ZNF672: variants seen among roughly 807,000 people sequenced by gnomAD.
ZNF672 encodes the protein zinc finger protein 672, also known as hypothetical protein FLJ22301.
For synonymous variants in ZNF672, 358 were observed against 305.6 expected, an observed-to-expected ratio of 1.17 and a Z score of -1.79; for missense variants, 733 against 701.1, an observed-to-expected ratio of 1.05 and a Z score of -0.51.
chr1:248,845,346 A>C (rs905203219), intron 2 of ZNF672, among the ~76,000 whole-genome samples: 1 of 152,102 alleles, frequency 6.6e-6, no homozygotes. Flanking sequence ...GGGATTTAAA[A>C]TACTCTAGAG....
In ZNF672 at chr1:248,848,583, G is replaced by C; in HGVS notation, c.1309G>C (p.Val437Leu). The C allele has an allele frequency of 1.3e-6, 2 of 1,591,514 alleles. No individual in the cohort carries two copies. Among genetic ancestry groups the C allele is most frequent in the Non-Finnish European group, 1.7e-6 (2 of 1,165,732 alleles). The change falls in exon 4 of 4, where the codon GTC becomes CTC. Residue 437 changes from valine to leucine, a missense_variant. Physicochemically the swap from Val to Leu is conservative, Grantham distance 32 (BLOSUM62 1). Coordinates refer to ENST00000306562, the MANE Select transcript of ZNF672 (RefSeq NM_024836.3). ...CCAGTCCGCAGTGGGCACTGCCCTC[G>C]TCTTTGAGGGGCCGGCTGAACAGGA... ...AIQSAVGTAL[V>L]FEGPAEQEKP...
At chr1:248,844,784 A>G (rs1664730985) in intron 2 of ZNF672, 148 bp downstream of exon 2, 2 of 152,234 alleles carry the variant, frequency 1.3e-5, no homozygotes, top group South Asian at 4.1e-4. Context: ...CAGATACCCG[A>G]GGAGGAGGCA....
At chr1:248,842,220 T>A (rs1356283665) in intron 1 of ZNF672, among the ~76,000 whole-genome samples, 2 of 152,154 alleles carry the variant, frequency 1.3e-5, no homozygotes, top group African/African-American at 4.8e-5. Flanking sequence ...TAATAGATGC[T>A]CCTTCCAGCT....
At chr1:248,845,034 G>C (rs6684471) in intron 2 of ZNF672, among the ~76,000 whole-genome samples, 1 of 152,048 alleles carries the variant, frequency 6.6e-6, no homozygotes, top group South Asian at 2.1e-4. Flanking sequence ...AGGCCAAAGC[G>C]GGTGGATCAC....
intron 1 of ZNF672, among the ~76,000 whole-genome samples, chr1:248,840,341 C>T (rs574884384): frequency 1.6e-4 from 24 of 152,272 alleles, no homozygotes; most frequent in African/African-American, 5.1e-4. Flanking sequence ...ATCTGCCCAC[C>T]CCGGCCTCCC....
intron 1 of ZNF672, among the ~76,000 whole-genome samples, chr1:248,841,614 C>A (rs1318164096): frequency 2.0e-5 from 3 of 152,142 alleles, no homozygotes; most frequent in Non-Finnish European, 4.4e-5. Context: ...CTTTGTGAAA[C>A]CAAAACTTTC....
chr1:248,848,408 CG>C lies in ZNF672; in HGVS notation c.1135del (p.Ala379ProfsTer76). 1 of 1,605,336 alleles carries C rather than the reference CG, an allele frequency of 6.2e-7. No individual in the cohort carries two copies. Among genetic ancestry groups the C allele is most frequent in the Non-Finnish European group, 8.5e-7 (1 of 1,179,804 alleles). On this transcript the variant is annotated frameshift_variant, in exon 4 of 4. Transcript: ENST00000306562. LOFTEE classifies it low-confidence loss of function (END_TRUNC). ...CCGAGTGCAGCAAGGCCTTCAGCGTCGCCTCCAAGCTTGCACTGCACCGCAA... is the reference window on the plus strand; with the variant it reads ...CCGAGTGCAGCAAGGCCTTCAGCGTCCCTCCAAGCTTGCACTGCACCGCAA... ...CPECSKAFSV[A>X]SKLALHRKTH...
At position 248,848,176 on chromosome 1, in the gene ZNF672, AC is replaced by A; in HGVS notation, c.904del (p.Gln302SerfsTer153). On this transcript the variant is annotated frameshift_variant, in exon 4 of 4. Transcript: ENST00000306562. LOFTEE classifies it low-confidence loss of function (END_TRUNC). ...GFGQRSDLVV[H>X]QRIHTGEKPF... ...GGGCAGCGCTCCGACCTGGTGGTGC[AC>A]CAGCGCATCCACACGGGCGAGAAGC... is the stretch of plus-strand genomic sequence containing the variant. 1 of 1,598,714 alleles carries A rather than the reference AC, an allele frequency of 6.3e-7. No homozygotes were observed. The highest frequency in any genetic ancestry group is 8.5e-7 in the Non-Finnish European group (1 of 1,176,390).
At chr1:248,839,537 A>T (rs537044391) in intron 1 of ZNF672, 9 of 152,350 alleles carry the variant, frequency 5.9e-5, no homozygotes, top group African/African-American at 2.2e-4. Flanking sequence ...CCAGCTCCGC[A>T]GGAGGCTGAG....
chr1:248,849,331 G>A lies in ZNF672; in HGVS notation c.*698G>A, dbSNP rs1659292856. The A allele has an allele frequency of 2.8e-6, 1 of 361,720 alleles. No individual in the cohort carries two copies. Among genetic ancestry groups the A allele is most frequent in the Non-Finnish European group, 5.7e-6 (1 of 176,800 alleles). 22.4% of individuals were successfully genotyped at this position (361,720 alleles called of 1,614,324 possible). ...AGAACCATGTTCCCCAGCCAGGTGA[G>A]GACCATTTTCACTGGGACCCAGGCC... On this transcript the variant is annotated 3_prime_UTR_variant, in exon 4 of 4. Coordinates refer to ENST00000306562, the MANE Select transcript of ZNF672 (RefSeq NM_024836.3).
intron 1 of ZNF672, chr1:248,839,238 A>C (rs1664630187): frequency 6.6e-6 from 1 of 152,310 alleles, no homozygotes. Context: ...CATGTGAGGG[A>C]TTCTTAGGGG....
chr1:248,843,179 C>T (rs1036608326), intron 1 of ZNF672, among the ~76,000 whole-genome samples: 4 of 152,064 alleles, frequency 2.6e-5, no homozygotes, highest in Non-Finnish European at 4.4e-5. Context: ...GATGACTGGA[C>T]GAGCCTGTAT....
At position 248,838,378 on chromosome 1, in the gene ZNF672, C is replaced by T. The variant is rs1447469073; in HGVS notation, c.-648C>T. On this transcript the variant is annotated 5_prime_UTR_variant, in exon 1 of 4. Coordinates refer to ENST00000306562, the MANE Select transcript of ZNF672 (RefSeq NM_024836.3). ...GGCGAGAGGGACAGGAGCGTGACCTCCCCATCCCGAGGGGCCGGACGCTCG... is the reference window on the plus strand; with the variant it reads ...GGCGAGAGGGACAGGAGCGTGACCTTCCCATCCCGAGGGGCCGGACGCTCG... The T allele has an allele frequency of 1.3e-5, 2 of 152,262 alleles. No individual in the cohort carries two copies. The highest frequency in any genetic ancestry group is 2.4e-5 in the African/African-American group (1 of 41,462). 9.4% of individuals were successfully genotyped at this position (152,262 alleles called of 1,614,324 possible).
chr1:248,848,572 G>A lies in ZNF672; in HGVS notation c.1298G>A (p.Gly433Asp). The A allele has an allele frequency of 6.3e-7, 1 of 1,597,024 alleles. No individual in the cohort carries two copies. The highest frequency in any genetic ancestry group is 8.6e-7 in the Non-Finnish European group (1 of 1,169,062). The change falls in exon 4 of 4, where the codon GGC (glycine) becomes GAC (aspartate). Residue 433 changes from glycine (G) to aspartate (D), a missense_variant. Transcript: ENST00000306562. ...AAAVAIQSAVGTALVFEGPAE... is the reference protein window; with the variant it reads ...AAAVAIQSAVDTALVFEGPAE... ...GCCGTTGCCATCCAGTCCGCAGTGG[G>A]CACTGCCCTCGTCTTTGAGGGGCCG...
chr1:248,844,163 T>C (rs1022330118), intron 1 of ZNF672, among the ~76,000 whole-genome samples: 2 of 152,226 alleles, frequency 1.3e-5, no homozygotes, highest in African/African-American at 4.8e-5. Flanking sequence ...ATCTTGCCCC[T>C]ATTATAGATA....
rs1344867114 is a variant in ZNF672 at position 248,848,739 on chromosome 1, G to A, written c.*106G>A. The A allele has an allele frequency of 3.5e-6, 5 of 1,428,426 alleles. No homozygotes were observed. The highest frequency in any genetic ancestry group is 2.5e-5 in the East Asian group (1 of 40,358). 88.5% of individuals were successfully genotyped at this position (1,428,426 alleles called of 1,614,324 possible). ...CGTAGATGGAGATTTGGGAAAAGAC[G>A]ATGTGGCCTCCTACCTTTCCAGTTT... is the stretch of plus-strand genomic sequence containing the variant. On this transcript the variant is annotated 3_prime_UTR_variant, in exon 4 of 4. Transcript: ENST00000306562.
chr1:248,839,732 A>ATTTTT lies in ZNF672; in HGVS notation c.-475+1201_-475+1205dup, dbSNP rs774234469. Among the ~76,000 whole-genome samples, 70 of 113,886 alleles carry ATTTTT rather than the reference A, an allele frequency of 6.1e-4. 2 individuals are homozygous for ATTTTT. Among genetic ancestry groups the ATTTTT allele is most frequent in the African/African-American group, 1.4e-3 (36 of 26,098 alleles). The allele number at this position is 113,886 out of a possible 152,430, so 74.7% of individuals were successfully genotyped here. On this transcript the variant is annotated intron_variant, in intron 1 of 3. Coordinates refer to ENST00000306562, the MANE Select transcript of ZNF672 (RefSeq NM_024836.3). ...GCAACCGCAATTCTCAGTGTTAGCAATTTTTTTTTTTTTTTTTTTTTTTTG... is the reference window on the plus strand; with the variant it reads ...GCAACCGCAATTCTCAGTGTTAGCAATTTTTTTTTTTTTTTTTTTTTTTTTTTTTG...
rs1362309455 is a variant in ZNF672, at chr1:248,847,792, G to A, written c.518G>A (p.Arg173Gln). 2 of 1,539,956 alleles carry A rather than the reference G, an allele frequency of 1.3e-6. No homozygotes were observed. The highest frequency in any genetic ancestry group is 1.7e-6 in the Non-Finnish European group (2 of 1,145,992). Residue 173 changes from arginine (R) to glutamine (Q), a missense_variant, in exon 4 of 4, where the codon CGA becomes CAA. Physicochemically the swap from Arg to Gln is conservative, Grantham distance 43. Coordinates refer to ENST00000306562, the MANE Select transcript of ZNF672 (RefSeq NM_024836.3). ...TGCGCGCAGTGCCCGCGAGCCTTCC[G>A]AAGCGGCGCCGGGCTGCGGAGTCAC... Reference protein sequence around the residue: ...HRCAQCPRAFRSGAGLRSHAR... With the variant: ...HRCAQCPRAFQSGAGLRSHAR...
rs1466247666 is a variant in ZNF672 at position 248,848,027 on chromosome 1, C to T, written c.753C>T (p.Gly251=). Reference sequence around the variant, plus strand: ...TGCGCCACCAGCGCACACACACGGGCGAGAAGCCGTACGCATGTGGCGACT... The same window carrying T: ...TGCGCCACCAGCGCACACACACGGGTGAGAAGCCGTACGCATGTGGCGACT... ...TLVRHQRTHT[G]EKPYACGDCG... Residue 251 remains glycine, a synonymous_variant, in exon 4 of 4, where the codon GGC becomes GGT. Transcript: ENST00000306562. 6.4e-7 allele frequency: 1 copy of T among 1,555,260 alleles called. No homozygotes were observed. The highest frequency in any genetic ancestry group is 1.2e-5 in the South Asian group (1 of 85,552).
Sources: gnomAD v4.1 joint callset for allele counts (sites outside exome capture counted in the v4.1 genomes callset) on GRCh38, gnomAD v4.1.1 for gene constraint, MANE v1.5 for transcripts, NCBI Gene and HGNC (gene_info 2026-07-23, HGNC 2026-07-21) for gene names.